Variants in SAMD4B observed in about 807,000 individuals in gnomAD.
The protein encoded by SAMD4B is protein Smaug homolog 2.
Under a neutral mutation model 74.5 loss-of-function variants are expected in SAMD4B, and 5 were observed. The observed-to-expected ratio is 0.07, with a 90% CI of 0.04 to 0.14. The LOEUF (loss-of-function observed/expected upper bound fraction) is 0.14. Ranked by LOEUF, SAMD4B falls within the 10% of genes least tolerant of loss-of-function variation. The pLI, the probability that SAMD4B is intolerant of heterozygous loss-of-function variation, is 1.00. For missense variants in SAMD4B, 608 were observed against 921.8 expected (o/e 0.66, Z 4.41); for synonymous variants, 373 against 374.9 (o/e 1.00, Z 0.06).
At chr19:39,354,350 C>A (rs1600525327) in intron 2 of SAMD4B, among the ~76,000 whole-genome samples, 1 of 152,194 alleles carries the variant, frequency 6.6e-6, no homozygotes, top group Admixed American at 6.5e-5. Context: ...GTCTTCTCTT[C>A]CCCAGAGGAA....
At chr19:39,350,253 C>T (rs1349541604) in intron 1 of SAMD4B, 1 of 152,136 alleles carries the variant, frequency 6.6e-6, no homozygotes, top group Non-Finnish European at 1.5e-5. Context: ...ATTCTTCTAA[C>T]AAGCTTCATT....
At chr19:39,382,390 T>C (rs1286341238) in intron 12 of SAMD4B, among the ~76,000 whole-genome samples, 4 of 152,328 alleles carry the variant, frequency 2.6e-5, no homozygotes, top group East Asian at 3.9e-4. Flanking sequence ...GCTGATGTTA[T>C]TCATCAGTCA....
At chr19:39,385,894 G>A, downstream of SAMD4B, 1 of 1,529,394 alleles carries the variant, frequency 6.5e-7, no homozygotes, top group Non-Finnish European at 8.8e-7. Context: ...TTTGGGGGTG[G>A]GGAACAAACA....
rs1177903244 is a variant in SAMD4B, at chr19:39,370,134, C to T, written c.667+9C>T. The T allele has an allele frequency of 6.4e-6, 10 of 1,568,166 alleles. No homozygotes were observed. Among genetic ancestry groups the T allele is most frequent in the East Asian group, 2.4e-5 (1 of 41,900 alleles). On this transcript the variant is annotated intron_variant, in intron 4 of 13. Coordinates refer to ENST00000610417, the MANE Select transcript of SAMD4B (RefSeq NM_001384574.2). The stretch of plus-strand genomic sequence containing the variant: ...GAGCAATGCAAACACAGGTAAGTGG[C>T]GGGGGTGTCCCAGAAGGCCATGCCT...
chr19:39,389,689 C>T (rs1379661458), downstream of SAMD4B: 1 of 1,614,108 alleles, frequency 6.2e-7, no homozygotes, highest in Non-Finnish European at 8.5e-7. This position sits in a 1 kb window ranked among gnomAD's most constrained non-coding sequence, Gnocchi z 5.3. Context: ...CGATGGTGAC[C>T]CCCAGGTCTG....
rs1185712569 is a variant in SAMD4B, at chr19:39,378,855, G to T, written c.1530+266G>T. Among the ~76,000 whole-genome samples the T allele has an allele frequency of 6.6e-6, 1 of 152,254 alleles. No individual in the cohort carries two copies. The highest frequency in any genetic ancestry group is 1.5e-5 in the Non-Finnish European group (1 of 68,052). ...GCAGGTGGAGCTTGTGGTGAGCCAA[G>T]ATCGCGCCACTGCACTCCAGCCTGG... On this transcript the variant is annotated intron_variant, in intron 9 of 13. Transcript: ENST00000610417. This position sits in a 1 kb window ranked among gnomAD's most constrained non-coding sequence, Gnocchi z 4.4.
chr19:39,374,806 A>C (rs2077509647), intron 4 of SAMD4B, among the ~76,000 whole-genome samples: 1 of 152,214 alleles, frequency 6.6e-6, no homozygotes, highest in South Asian at 2.1e-4. Flanking sequence ...GTGCCACTGC[A>C]CTCTGGCCTA....
downstream of SAMD4B, chr19:39,386,889 T>A: frequency 1.2e-6 from 1 of 854,708 alleles, no homozygotes; most frequent in Non-Finnish European, 2.0e-6. The surrounding 1 kb of genome is among the most constrained non-coding windows in gnomAD (Gnocchi z 6.1). Flanking sequence ...GGGTCTGGTC[T>A]GACTTGGTTC....
At chr19:39,386,258 C>T (rs748346636), downstream of SAMD4B, 16 of 1,614,066 alleles carry the variant, frequency 9.9e-6, no homozygotes, top group Non-Finnish European at 1.4e-5. The surrounding 1 kb of genome is among the most constrained non-coding windows in gnomAD (Gnocchi z 6.1). Context: ...CAGCCCGGGC[C>T]TCATCCTCGC....
intron 7 of SAMD4B, among the ~76,000 whole-genome samples, chr19:39,377,274 G>A (rs577977557): frequency 6.6e-6 from 1 of 152,020 alleles, no homozygotes; most frequent in Non-Finnish European, 1.5e-5. Flanking sequence ...CTGGCTTTTC[G>A]TGAGTTCTGT....
At position 39,377,761 on chromosome 19, in the gene SAMD4B, C is replaced by A. The variant is rs778392155; in HGVS notation, c.1381C>A (p.Pro461Thr). Reference protein sequence around the residue: ...PAPAPTDGSEPAPAPVADGDI... With the variant: ...PAPAPTDGSETAPAPVADGDI... The stretch of plus-strand genomic sequence containing the variant: ...TCCAGCTCCCACTGATGGCAGTGAG[C>A]CTGCCCCGGCTCCCGTCGCCGACGG... The change falls in exon 8 of 14, where the codon CCT (proline) becomes ACT (threonine). Residue 461 changes from proline (P) to threonine (T), a missense_variant. Physicochemically the swap from Pro to Thr is conservative, Grantham distance 38. Coordinates refer to ENST00000610417, the MANE Select transcript of SAMD4B (RefSeq NM_001384574.2). 6.2e-6 allele frequency: 10 copies of A among 1,613,864 alleles called. No homozygotes were observed. The highest frequency in any genetic ancestry group is 2.2e-5 in the South Asian group (2 of 91,056).
At chr19:39,348,390 G>A (rs745852261) in intron 1 of SAMD4B, 1 of 152,218 alleles carries the variant, frequency 6.6e-6, no homozygotes, top group Non-Finnish European at 1.5e-5. Context: ...TGGGGCACAG[G>A]TGAGCCCAGA....
At chr19:39,361,371 C>G (rs2076636372) in intron 3 of SAMD4B, among the ~76,000 whole-genome samples, 1 of 152,110 alleles carries the variant, frequency 6.6e-6, no homozygotes, top group African/African-American at 2.4e-5. Flanking sequence ...AATCCCAGCA[C>G]TTTGGGAGGC....
downstream of SAMD4B, chr19:39,390,219 C>T: frequency 6.2e-7 from 1 of 1,613,480 alleles, no homozygotes; most frequent in South Asian, 1.1e-5. Flanking sequence ...GCTCCCAGCC[C>T]CACTGCCCCA....
chr19:39,385,753 G>A, downstream of SAMD4B: 1 of 603,756 alleles, frequency 1.7e-6, no homozygotes, highest in African/African-American at 1.8e-5. Flanking sequence ...CCTGCCTCTG[G>A]CCTGTGTTTC....
intron 2 of SAMD4B, among the ~76,000 whole-genome samples, chr19:39,354,828 A>G (rs1170095377): frequency 6.6e-6 from 1 of 152,160 alleles, no homozygotes; most frequent in Non-Finnish European, 1.5e-5. Flanking sequence ...CAGGAGTCCT[A>G]TAGGGCTCGG....
chr19:39,371,424 T>C (rs892742612), intron 4 of SAMD4B, among the ~76,000 whole-genome samples: 8 of 152,196 alleles, frequency 5.3e-5, no homozygotes, highest in African/African-American at 1.9e-4. Flanking sequence ...TTCAGGAAAC[T>C]TAGCAACCTG....
intron 1 of SAMD4B, among the ~76,000 whole-genome samples, chr19:39,345,480 C>A (rs752285078): frequency 3.5e-4 from 54 of 152,186 alleles, no homozygotes; most frequent in Non-Finnish European, 3.5e-4. Context: ...TCTTTGAACA[C>A]ACATATCCAT....
intron 3 of SAMD4B, among the ~76,000 whole-genome samples, chr19:39,364,216 C>T (rs531834863): frequency 6.6e-6 from 1 of 152,328 alleles, no homozygotes; most frequent in South Asian, 2.1e-4. Flanking sequence ...TCCCTTAGCC[C>T]TGGGGTCCTG....
Sources: gnomAD v4.1 joint callset for allele counts (sites outside exome capture counted in the v4.1 genomes callset) on GRCh38, gnomAD v4.1.1 for gene constraint, Gnocchi (gnomAD v3.1) non-coding constraint, MANE v1.5 for transcripts, NCBI Gene and HGNC (gene_info 2026-07-23, HGNC 2026-07-21) for gene names.